Variants in DLGAP1 observed in about 807,000 individuals in gnomAD.
DLGAP1 encodes the protein DLG associated protein 1, also known as disks large-associated protein 1.
A neutral mutation model predicts 90.8 loss-of-function variants in DLGAP1; 11 were observed. That is an observed-to-expected ratio of 0.12 (90% CI 0.08 to 0.20). The LOEUF (loss-of-function observed/expected upper bound fraction) is 0.20. Ranked by LOEUF, DLGAP1 falls within the 10% of genes least tolerant of loss-of-function variation. The pLI is 1.00. For synonymous variants in DLGAP1, 558 were observed against 540.7 expected (o/e 1.03, Z -0.44); for missense variants, 1,050 against 1,333.8 (o/e 0.79, Z 3.31).
intron 7 of DLGAP1, among the ~76,000 whole-genome samples, chr18:3,644,472 G>A (rs570475281): frequency 7.9e-5 from 12 of 151,746 alleles, no homozygotes; most frequent in South Asian, 6.2e-4. Context: ...GTGTAATGGC[G>A]CGATCTTGGC....
intron 2 of DLGAP1, among the ~76,000 whole-genome samples, chr18:4,017,804 G>T (rs1315522918): frequency 1.3e-5 from 2 of 151,924 alleles, no homozygotes; most frequent in Non-Finnish European, 2.9e-5. Context: ...TTGCTTTGCC[G>T]ATTAGTGAAA....
intron 1 of DLGAP1, among the ~76,000 whole-genome samples, chr18:4,427,584 T>G (rs2083185301): frequency 6.6e-6 from 1 of 152,076 alleles, no homozygotes; most frequent in Non-Finnish European, 1.5e-5. Flanking sequence ...CTTGCTGCCA[T>G]CAAAGATAGT....
rs1347925703 is a variant in DLGAP1, at chr18:4,178,000, C to A, written c.-266-26713G>T. Among the ~76,000 whole-genome samples, 5 of 152,066 alleles carry A rather than the reference C, an allele frequency of 3.3e-5. No homozygotes were observed. In the East Asian group the frequency reaches 9.6e-4, roughly 29 times the overall value. ...TTCCAGACATACATCCCTACCACTT[C>A]CATTCAAACCCTCATCCAATCCTAT... is the stretch of plus-strand genomic sequence containing the variant. On this transcript the variant is annotated intron_variant, in intron 1 of 12. Transcript: ENST00000315677.
At chr18:4,287,569 C>A (rs999967572) in intron 1 of DLGAP1, among the ~76,000 whole-genome samples, 1 of 152,154 alleles carries the variant, frequency 6.6e-6, no homozygotes, top group Admixed American at 6.5e-5. Flanking sequence ...TGGAAACCAT[C>A]ATTCTCGGCA....
chr18:4,197,188 T>TAAAAAAAAA (rs532844849), intron 1 of DLGAP1, among the ~76,000 whole-genome samples: 59 of 73,686 alleles, frequency 8.0e-4, no homozygotes, highest in Non-Finnish European at 1.0e-3. Context: ...TAAAAAAAAG[T>TAAAAAAAAA]AAAAAAAAAA....
chr18:3,588,020 AT>A (rs892004859), intron 7 of DLGAP1, among the ~76,000 whole-genome samples: 3 of 152,164 alleles, frequency 2.0e-5, no homozygotes, highest in Non-Finnish European at 4.4e-5. Context: ...AAATGAAATT[AT>A]TTTTTTCCTC....
chr18:4,167,556 T>G (rs1392195979), intron 1 of DLGAP1, among the ~76,000 whole-genome samples: 1 of 152,172 alleles, frequency 6.6e-6, no homozygotes, highest in Non-Finnish European at 1.5e-5. Flanking sequence ...CTGATAAAAC[T>G]GCAAGGTGAA....
intron 1 of DLGAP1, among the ~76,000 whole-genome samples, chr18:4,379,830 A>C (rs2082081470): frequency 6.6e-6 from 1 of 152,216 alleles, no homozygotes; most frequent in African/African-American, 2.4e-5. Flanking sequence ...ATAGATTCTA[A>C]TATAAGGCAT....
intron 1 of DLGAP1, among the ~76,000 whole-genome samples, chr18:4,306,050 A>G (rs2080250590): frequency 6.6e-6 from 1 of 150,544 alleles, no homozygotes; most frequent in Admixed American, 6.7e-5. Context: ...ACACACACAC[A>G]CACACACACA....
intron 8 of DLGAP1, among the ~76,000 whole-genome samples, chr18:3,574,186 G>GAC (rs1568223137): frequency 6.6e-6 from 1 of 152,134 alleles, no homozygotes; most frequent in Non-Finnish European, 1.5e-5. Flanking sequence ...CTCTCAATCA[G>GAC]ACTTGTCTAT....
At chr18:3,764,069 G>A (rs986745235) in intron 5 of DLGAP1, among the ~76,000 whole-genome samples, 6 of 152,142 alleles carry the variant, frequency 3.9e-5, no homozygotes, top group Non-Finnish European at 7.3e-5. Flanking sequence ...ACAATTTACT[G>A]AGTGCGTTAC....
intron 2 of DLGAP1, among the ~76,000 whole-genome samples, chr18:4,024,528 C>G (rs2074667177): frequency 6.6e-6 from 1 of 152,174 alleles, no homozygotes; most frequent in African/African-American, 2.4e-5. Context: ...CCTCTTAACA[C>G]TTATGCTCGG....
At chr18:4,372,671 A>G (rs1598304724) in intron 1 of DLGAP1, among the ~76,000 whole-genome samples, 1 of 152,320 alleles carries the variant, frequency 6.6e-6, no homozygotes, top group Non-Finnish European at 1.5e-5. Flanking sequence ...TCACGCCTGT[A>G]ATCCCAGCAC....
At chr18:3,704,463 G>A (rs60998607) in intron 7 of DLGAP1, among the ~76,000 whole-genome samples, 6,748 of 151,956 alleles carry the variant, frequency 0.044, 477 homozygotes, top group African/African-American at 0.14. Flanking sequence ...CCAGCTACTC[G>A]GGAGGCTGAG....
At chr18:3,890,795 C>A (rs1344091691) in intron 3 of DLGAP1, among the ~76,000 whole-genome samples, 5 of 152,192 alleles carry the variant, frequency 3.3e-5, no homozygotes, top group Non-Finnish European at 7.3e-5. Flanking sequence ...TTGGCATAAT[C>A]ATGGCTCACT....
intron 6 of DLGAP1, among the ~76,000 whole-genome samples, chr18:3,737,329 A>AT (rs2062688354): frequency 1.3e-5 from 2 of 152,062 alleles, no homozygotes; most frequent in Non-Finnish European, 1.5e-5. Context: ...AAAAAAGAGA[A>AT]TTTTAGACCA....
intron 1 of DLGAP1, among the ~76,000 whole-genome samples, chr18:4,200,024 C>G (rs2077578164): frequency 6.6e-6 from 1 of 152,150 alleles, no homozygotes; most frequent in Non-Finnish European, 1.5e-5. Flanking sequence ...CAGTCTGTTT[C>G]ATAGCCATAT....
At position 3,526,206 on chromosome 18, in the gene DLGAP1, A is replaced by G. The variant is rs115850056; in HGVS notation, c.2479+7988T>C. ...ACAGAAAGGAGCTAGGCTAGAATGC[A>G]GCCATTGCTCCCCACTTAGAAACAC... On this transcript the variant is annotated intron_variant, in intron 10 of 12. Transcript: ENST00000315677. The surrounding 1 kb of genome is among the most constrained non-coding windows in gnomAD (Gnocchi z 4.7). Among the ~76,000 whole-genome samples the G allele has an allele frequency of 3.2e-3, 480 of 152,318 alleles. 3 individuals carry two copies. Among genetic ancestry groups the G allele is most frequent in the African/African-American group, 0.011 (465 of 41,566 alleles).
chr18:3,575,900 C>T (rs866035637), intron 8 of DLGAP1, among the ~76,000 whole-genome samples: 14 of 152,252 alleles, frequency 9.2e-5, no homozygotes, highest in African/African-American at 3.4e-4. Flanking sequence ...CAGAGTGCCA[C>T]AAGGTGCTCC....
Sources: gnomAD v4.1 joint callset for allele counts (sites outside exome capture counted in the v4.1 genomes callset) on GRCh38, gnomAD v4.1.1 for gene constraint, Gnocchi (gnomAD v3.1) non-coding constraint, MANE v1.5 for transcripts, NCBI Gene and HGNC (gene_info 2026-07-23, HGNC 2026-07-21) for gene names.